Variants in PTP4A3 observed in about 807,000 individuals in gnomAD.
PTP4A3 encodes protein tyrosine phosphatase type IVA 3.
PTP4A3 carries 9 observed loss-of-function variants against 15.2 expected under a neutral mutation model. The ratio of observed to expected loss-of-function variants is 0.59; its 90% CI spans 0.36 to 1.03. The LOEUF is 1.03. Among genes scored for constraint, PTP4A3 ranks in the 50% least tolerant of loss-of-function variants. The pLI is 0.02. For synonymous variants in PTP4A3, 95 were observed against 102.0 expected, an observed-to-expected ratio of 0.93 and a Z score of 0.41; for missense variants, 234 against 252.1, an observed-to-expected ratio of 0.93 and a Z score of 0.49.
At chr8:141,416,157 C>T (rs1035260911) in intron 1 of PTP4A3, among the ~76,000 whole-genome samples, 1 of 152,126 alleles carries the variant, frequency 6.6e-6, no homozygotes, top group Non-Finnish European at 1.5e-5. Flanking sequence ...CTGGTTGTAG[C>T]ATCACAGAGC....
rs1239630761 is a variant in PTP4A3 at position 141,406,879 on chromosome 8, G to A, written c.-853-14509G>A. Among the ~76,000 whole-genome samples, 1 of 152,238 alleles carries A rather than the reference G, an allele frequency of 6.6e-6. No homozygotes were observed. The highest frequency in any genetic ancestry group is 2.4e-5 in the African/African-American group (1 of 41,466). ...AGTCTTTGCCCTGTGCCCACTGTAT[G>A]TGCAAGGTCATGCAGGTTATGCTTT... On this transcript the variant is annotated intron_variant, in intron 1 of 5. Transcript: ENST00000521578. This position sits in a 1 kb window ranked among gnomAD's most constrained non-coding sequence, Gnocchi z 4.5.
intron 4 of PTP4A3, among the ~76,000 whole-genome samples, 172 bp downstream of exon 4, chr8:141,427,241 A>G (rs892940023): frequency 6.6e-6 from 1 of 152,178 alleles, no homozygotes; most frequent in Non-Finnish European, 1.5e-5. Context: ...CATCACAGAG[A>G]GGAAGTGCTT....
intron 1 of PTP4A3, among the ~76,000 whole-genome samples, chr8:141,393,578 C>T (rs376603969): frequency 4.6e-5 from 7 of 152,360 alleles, no homozygotes; most frequent in Middle Eastern, 3.4e-3. Flanking sequence ...CCCCCGCAGG[C>T]AGTCGGCGTG....
chr8:141,426,766 G>C, intron 3 of PTP4A3, 173 bp from the exon 4 acceptor site: 1 of 913,078 alleles, frequency 1.1e-6, no homozygotes, highest in African/African-American at 1.8e-5. Context: ...CTCACCATGG[G>C]GTGCCCATAG....
rs141986724 is a variant in PTP4A3 at position 141,400,338 on chromosome 8, C to T, written c.-854+8254C>T. ...AAACGTGGTTATTGTTTTAGACACA[C>T]ATTTGGTGATGTTCATTATAAAAAT... is the stretch of plus-strand genomic sequence containing the variant. On this transcript the variant is annotated intron_variant, in intron 1 of 5. Coordinates refer to ENST00000521578, the MANE Select transcript of PTP4A3 (RefSeq NM_032611.3). Among the ~76,000 whole-genome samples the T allele has an allele frequency of 1.2e-3, 185 of 152,372 alleles. 1 individual carries two copies. The highest frequency in any genetic ancestry group is 4.3e-3 in the African/African-American group (180 of 41,586).
chr8:141,426,335 G>C, intron 3 of PTP4A3: 1 of 692,834 alleles, frequency 1.4e-6, no homozygotes, highest in South Asian at 6.5e-5. Flanking sequence ...ACGGGACAGT[G>C]GGAAGCACAG....
intron 1 of PTP4A3, among the ~76,000 whole-genome samples, chr8:141,416,625 GGGA>G (rs1833063940): frequency 6.6e-6 from 1 of 152,096 alleles, no homozygotes; most frequent in Admixed American, 6.5e-5. Flanking sequence ...GCCCTTGCCA[GGGA>G]GCTCACACCC....
intron 2 of PTP4A3, among the ~76,000 whole-genome samples, chr8:141,422,884 C>T (rs748521524): frequency 2.0e-5 from 3 of 152,220 alleles, no homozygotes; most frequent in Non-Finnish European, 4.4e-5. Context: ...CCGCTGGCAA[C>T]CCTGGCAGAT....
chr8:141,431,695 CCCTGT>C lies in PTP4A3; in HGVS notation c.*661_*665del, dbSNP rs1374915391. ...GCACCCCGACCCAGGGGCCAGCCTG[CCCTGT>C]CCTGTCCTGATACCGAGGTGGGAGC... On this transcript the variant is annotated 3_prime_UTR_variant, in exon 6 of 6. Coordinates refer to ENST00000521578, the MANE Select transcript of PTP4A3 (RefSeq NM_032611.3). The C allele has an allele frequency of 6.6e-6, 1 of 152,632 alleles. No individual in the cohort carries two copies. Among genetic ancestry groups the C allele is most frequent in the African/African-American group, 2.4e-5 (1 of 41,452 alleles). The allele number at this position is 152,632 out of a possible 1,614,324, so 9.5% of individuals were successfully genotyped here.
Position 141,431,354 on chromosome 8 carries a change from C to T in PTP4A3, c.*310C>T. Reference sequence around the variant, plus strand: ...CCCCTCCCACACCAGCCAGGCTGGTCTCCTCTAGCCTGTTTGTTGTGGGGT... The same window carrying T: ...CCCCTCCCACACCAGCCAGGCTGGTTTCCTCTAGCCTGTTTGTTGTGGGGT... On this transcript the variant is annotated 3_prime_UTR_variant, in exon 6 of 6. Coordinates refer to ENST00000521578, the MANE Select transcript of PTP4A3 (RefSeq NM_032611.3). 2.3e-6 allele frequency: 1 copy of T among 434,108 alleles called. No homozygotes were observed. Among genetic ancestry groups the T allele is most frequent in the Non-Finnish European group, 4.1e-6 (1 of 242,180 alleles). The allele number at this position is 434,108 out of a possible 1,614,324, so 26.9% of individuals were successfully genotyped here.
chr8:141,427,120 C>T (rs200495893), intron 4 of PTP4A3, 51 bp downstream of exon 4: 285 of 1,576,712 alleles, frequency 1.8e-4, no homozygotes, highest in Admixed American at 2.1e-4. Flanking sequence ...TTGGGCATCT[C>T]GTGGTCTGAC....
intron 1 of PTP4A3, among the ~76,000 whole-genome samples, chr8:141,400,646 C>A (rs1006762024): frequency 6.6e-6 from 1 of 152,196 alleles, no homozygotes; most frequent in African/African-American, 2.4e-5. Context: ...TTTCTTGGCC[C>A]GCTGGCAGAA....
chr8:141,423,746 A>G (rs1398329892), intron 2 of PTP4A3, among the ~76,000 whole-genome samples: 1 of 151,378 alleles, frequency 6.6e-6, no homozygotes, highest in Non-Finnish European at 1.5e-5. Context: ...GTCCAAGATC[A>G]GGGTTCAGTG....
At chr8:141,397,672 T>C (rs1832487497) in intron 1 of PTP4A3, among the ~76,000 whole-genome samples, 1 of 152,206 alleles carries the variant, frequency 6.6e-6, no homozygotes, top group Admixed American at 6.5e-5. Flanking sequence ...CCTCGGTGGC[T>C]GTGGAGCCTG....
At chr8:141,398,192 C>T (rs1373284243) in intron 1 of PTP4A3, among the ~76,000 whole-genome samples, 2 of 152,296 alleles carry the variant, frequency 1.3e-5, no homozygotes, top group Admixed American at 6.5e-5. Flanking sequence ...GCCAGTGGGG[C>T]CCAGGTCTCC....
At chr8:141,424,929 C>T in intron 2 of PTP4A3, 119 bp from the exon 3 acceptor site, 1 of 838,784 alleles carries the variant, frequency 1.2e-6, no homozygotes, top group Non-Finnish European at 1.9e-6. Flanking sequence ...GGGACATGTC[C>T]AAGTCCTGGG....
chr8:141,420,820 C>T (rs1204778865), intron 1 of PTP4A3, among the ~76,000 whole-genome samples: 1 of 152,232 alleles, frequency 6.6e-6, no homozygotes, highest in Non-Finnish European at 1.5e-5. Flanking sequence ...GGCCCACGGC[C>T]GCGTGTGGGG....
rs146230288 is a variant in PTP4A3 at position 141,425,591 on chromosome 8, C to T, written c.198+451C>T. Among the ~76,000 whole-genome samples the T allele has an allele frequency of 8.3e-3, 704 of 84,528 alleles. 8 individuals carry two copies. The highest frequency in any genetic ancestry group is 0.032 in the African/African-American group (644 of 20,388). 55.5% of individuals were successfully genotyped at this position (84,528 alleles called of 152,430 possible). A position where few individuals can be genotyped will look rare whatever the true frequency, so the allele number is the denominator to read the frequency against. On this transcript the variant is annotated intron_variant, in intron 3 of 5. Transcript: ENST00000521578. This position sits in a 1 kb window ranked among gnomAD's most constrained non-coding sequence, Gnocchi z 4.2. The stretch of plus-strand genomic sequence containing the variant: ...TTGGCCCTGGGGACCCAGGTCTGGG[C>T]GGGGGGTGGGGCGGTTCTGCTGCGA...
intron 1 of PTP4A3, among the ~76,000 whole-genome samples, chr8:141,397,625 G>A (rs1021057950): frequency 6.6e-6 from 1 of 152,216 alleles, no homozygotes; most frequent in African/African-American, 2.4e-5. Flanking sequence ...GGCGGGGCGG[G>A]TATTGGTCAT....
Sources: gnomAD v4.1 joint callset for allele counts (sites outside exome capture counted in the v4.1 genomes callset) on GRCh38, gnomAD v4.1.1 for gene constraint, Gnocchi (gnomAD v3.1) non-coding constraint, MANE v1.5 for transcripts, NCBI Gene and HGNC (gene_info 2026-07-23, HGNC 2026-07-21) for gene names.